The following JAKMIP3 variants were observed in gnomAD, a reference collection of about 807,000 sequenced individuals.
JAKMIP3 encodes the protein Janus kinase and microtubule interacting protein 3.
In JAKMIP3, 58 loss-of-function variants were observed where a neutral mutation model predicts 118.5. That is an observed-to-expected ratio of 0.49 (90% CI 0.40 to 0.61). The LOEUF is 0.61. JAKMIP3 is among the 20% of genes least tolerant of loss of function. JAKMIP3 has a pLI of 0.00. For missense variants in JAKMIP3, 950 were observed against 1,109.0 expected (o/e 0.86, Z 2.04); for synonymous variants, 486 against 451.2 (o/e 1.08, Z -0.98).
In JAKMIP3 at chr10:132,117,563, A is replaced by T. The variant is rs758070446; in HGVS notation, c.622A>T (p.Ile208Phe). 1 of 1,555,050 alleles carries T rather than the reference A, an allele frequency of 6.4e-7. No individual in the cohort carries two copies. The highest frequency in any genetic ancestry group is 1.2e-5 in the South Asian group (1 of 85,422). The change falls in exon 3 of 24, where the codon ATC becomes TTC. Residue 208 changes from isoleucine (I) to phenylalanine (F), a missense_variant. By Grantham distance (21) the Ile-to-Phe change is conservative (BLOSUM62 0). Transcript: ENST00000684848. The surrounding 1 kb of genome is among the most constrained non-coding windows in gnomAD (Gnocchi z 8.6). ...TRIKKECEREIRRLMEEIKFK... is the reference protein window; with the variant it reads ...TRIKKECEREFRRLMEEIKFK... ...CATCAAGAAGGAGTGCGAGCGGGAG[A>T]TCCGCAGGCTGGTACGTGGGCAGGC...
Position 132,163,409 on chromosome 10 carries a change from G to A in JAKMIP3, c.2421G>A (p.Gln807=), listed in dbSNP as rs1055465963. 6.3e-7 allele frequency: 1 copy of A among 1,597,156 alleles called. No individual in the cohort carries two copies. Among genetic ancestry groups the A allele is most frequent in the Non-Finnish European group, 8.5e-7 (1 of 1,177,350 alleles). Residue 807 remains glutamine (Q), a synonymous_variant, in exon 20 of 24, where the codon CAG becomes CAA. Coordinates refer to ENST00000684848, the MANE Select transcript of JAKMIP3 (RefSeq NM_001323087.2). ...RERMELLQLA[Q]QRIKELEERI... ...GCATGGAGCTGCTGCAGCTGGCTCA[G>A]CAGGTGTGTGGCAGGCGGGGGCAGG...
chr10:132,093,971 G>A (rs990582697), intron 1 of JAKMIP3, among the ~76,000 whole-genome samples: 3 of 111,018 alleles, frequency 2.7e-5, no homozygotes, highest in African/African-American at 1.1e-4. Flanking sequence ...GTCTTACTCT[G>A]TCACCCAGGC....
intron 6 of JAKMIP3, among the ~76,000 whole-genome samples, chr10:132,136,631 C>G (rs1212552938): frequency 6.6e-6 from 1 of 152,242 alleles, no homozygotes; most frequent in Admixed American, 6.5e-5. Flanking sequence ...TTACCCCTCT[C>G]TATGGAAGCC....
chr10:132,057,264 C>T (rs1319755329), intron 1 of JAKMIP3, among the ~76,000 whole-genome samples: 1 of 152,144 alleles, frequency 6.6e-6, no homozygotes, highest in African/African-American at 2.4e-5. Context: ...CACTGTTGTC[C>T]ACCCCAGGAG....
chr10:132,137,688 C>T (rs150628850), intron 8 of JAKMIP3, among the ~76,000 whole-genome samples: 46 of 152,300 alleles, frequency 3.0e-4, no homozygotes, highest in African/African-American at 9.9e-4. Flanking sequence ...ATGGGTTCCC[C>T]GGAGAGCAGC....
Position 132,166,989 on chromosome 10 carries a change from T to C in JAKMIP3, c.2497T>C (p.Phe833Leu), listed in dbSNP as rs528596940. The change falls in exon 22 of 24, where the codon TTT becomes CTT. Residue 833 changes from phenylalanine (F) to leucine (L), a missense_variant. Transcript: ENST00000684848. ...QIKELEEKFL[F>L]LFLFFSLAFI... is the part of the protein sequence containing the mutation. The stretch of plus-strand genomic sequence containing the variant: ...CCTCCCCTTTCCGTTTCAGTTTCTA[T>C]TTTTGTTCTTATTTTTCTCCTTAGC... The C allele has an allele frequency of 6.5e-7, 1 of 1,545,614 alleles. No individual in the cohort carries two copies. The highest frequency in any genetic ancestry group is 1.4e-5 in the African/African-American group (1 of 73,026).
chr10:132,046,596 T>G (rs931631497), intron 1 of JAKMIP3, among the ~76,000 whole-genome samples: 1 of 152,214 alleles, frequency 6.6e-6, no homozygotes, highest in African/African-American at 2.4e-5. Context: ...GCTGTGCGCA[T>G]CCGCCACGGC....
At chr10:132,153,469 C>T (rs903484599) in intron 17 of JAKMIP3, among the ~76,000 whole-genome samples, 2 of 152,190 alleles carry the variant, frequency 1.3e-5, no homozygotes, top group Admixed American at 6.5e-5. Flanking sequence ...CCCTCCCCGC[C>T]TGTCCTGGCA....
chr10:132,160,918 T>TG (rs554478740), intron 19 of JAKMIP3, among the ~76,000 whole-genome samples: 2 of 3,232 alleles, frequency 6.2e-4, no homozygotes, highest in Admixed American at 2.7e-3. Flanking sequence ...TGTGTGATGC[T>TG]AGGGGGTCTC....
In JAKMIP3 at chr10:132,100,835, T is replaced by A. The variant is rs34686655; in HGVS notation, c.-137-3837T>A. Among the ~76,000 whole-genome samples, 3 of 130,332 alleles carry A rather than the reference T, an allele frequency of 2.3e-5. No individual in the cohort carries two copies. In the South Asian group the frequency reaches 7.7e-4, roughly 34 times the overall value. The allele number at this position is 130,332 out of a possible 152,430, so 85.5% of individuals were successfully genotyped here. A position where few individuals can be genotyped will look rare whatever the true frequency, so the allele number is the denominator to read the frequency against. On this transcript the variant is annotated intron_variant, in intron 1 of 23. Transcript: ENST00000684848. ...CCATTCTCTCTGCATGAGGAACCCC[T>A]GCCGCGCTCCCCGTTCTCTCTGCAT...
Position 132,117,089 on chromosome 10 carries a change from G to A in JAKMIP3, c.148G>A (p.Glu50Lys). The A allele has an allele frequency of 6.2e-7, 1 of 1,607,146 alleles. No individual in the cohort carries two copies. Among genetic ancestry groups the A allele is most frequent in the Non-Finnish European group, 8.5e-7 (1 of 1,174,644 alleles). Residue 50 changes from glutamate to lysine, a missense_variant, in exon 3 of 24, where the codon GAA becomes AAA. Coordinates refer to ENST00000684848, the MANE Select transcript of JAKMIP3 (RefSeq NM_001323087.2). This position sits in a 1 kb window ranked among gnomAD's most constrained non-coding sequence, Gnocchi z 8.6. ...QQEKSKVSKV[E>K]REKNQELRQV... ...TGTTGTCTTTCAGGTCAGCAAAGTG[G>A]AACGCGAGAAGAACCAGGAGCTGCG...
intron 1 of JAKMIP3, among the ~76,000 whole-genome samples, chr10:132,057,830 A>G (rs892650833): frequency 4.6e-5 from 7 of 152,140 alleles, no homozygotes; most frequent in South Asian, 2.1e-4. Context: ...TCAACCCAGC[A>G]TGAATGCAGT....
Position 132,054,485 on chromosome 10 carries a change from A to C in JAKMIP3, c.-138+17747A>C, listed in dbSNP as rs369363574. On this transcript the variant is annotated intron_variant, in intron 1 of 23. Coordinates refer to the JAKMIP3 transcript ENST00000657785. ...GAGGCTCTGCCAGAGGTTAGGGGCT[A>C]GCTTGGCAGATATGGGGGGAGACAA... is the stretch of plus-strand genomic sequence containing the variant. 7.3e-4 allele frequency among the ~76,000 whole-genome samples: 111 copies of C among 152,250 alleles called. 2 individuals are homozygous for C. In the South Asian group the frequency reaches 0.022, roughly 30 times the overall value.
At chr10:132,110,818 C>T (rs1042741997) in intron 2 of JAKMIP3, among the ~76,000 whole-genome samples, 9 of 152,192 alleles carry the variant, frequency 5.9e-5, no homozygotes, top group Non-Finnish European at 7.3e-5. Context: ...GGAGGGCTCT[C>T]GAGGGAACCG....
rs113579745 is a variant in JAKMIP3, at chr10:132,145,885, T to C, written c.1749+305T>C. Among the ~76,000 whole-genome samples, 785 of 152,308 alleles carry C rather than the reference T, an allele frequency of 5.2e-3. 7 individuals carry two copies. Among genetic ancestry groups the C allele is most frequent in the African/African-American group, 0.018 (728 of 41,570 alleles). ...CTGATGGTTCTGTGGGTGGGCTGGT[T>C]AGAGCATCGTGACAGAGGAGCTTTA... On this transcript the variant is annotated intron_variant, in intron 13 of 23. Coordinates refer to ENST00000684848, the MANE Select transcript of JAKMIP3 (RefSeq NM_001323087.2).
chr10:132,051,463 C>T, intron 1 of JAKMIP3, among the ~76,000 whole-genome samples: 1 of 152,160 alleles, frequency 6.6e-6, no homozygotes, highest in Non-Finnish European at 1.5e-5. Flanking sequence ...GTTTAATGAC[C>T]ATTTCCCTGC....
chr10:132,070,211 GTT>G (rs1283048737), intron 1 of JAKMIP3, among the ~76,000 whole-genome samples: 1 of 151,914 alleles, frequency 6.6e-6, no homozygotes, highest in Non-Finnish European at 1.5e-5. Context: ...GCAGTGGCGC[GTT>G]CTTGGCTTAC....
rs1338274066 is a variant in JAKMIP3 at position 132,179,993 on chromosome 10, A to AT, written c.*1104-2362dup. Among the ~76,000 whole-genome samples, 5 of 152,126 alleles carry AT rather than the reference A, an allele frequency of 3.3e-5. No homozygotes were observed. The highest frequency in any genetic ancestry group is 1.2e-4 in the African/African-American group (5 of 41,414). On this transcript the variant is annotated intron_variant, in intron 23 of 23. Transcript: ENST00000684848. This position sits in a 1 kb window ranked among gnomAD's most constrained non-coding sequence, Gnocchi z 4.3. ...TATATGCAGTGTTTCTGCTCGGGAA[A>AT]TTCCAGCTAAGACCCAAAATTCATG...
chr10:132,094,315 T>C (rs970009996), intron 1 of JAKMIP3, among the ~76,000 whole-genome samples: 2 of 152,132 alleles, frequency 1.3e-5, no homozygotes, highest in Non-Finnish European at 2.9e-5. Context: ...TGTGATTTTT[T>C]TGGGGTGTTA....
Sources: gnomAD v4.1 joint callset for allele counts (sites outside exome capture counted in the v4.1 genomes callset) on GRCh38, gnomAD v4.1.1 for gene constraint, Gnocchi (gnomAD v3.1) non-coding constraint, MANE v1.5 for transcripts, NCBI Gene and HGNC (gene_info 2026-07-23, HGNC 2026-07-21) for gene names.